ANO2: variants seen among roughly 807,000 people sequenced by gnomAD.
The protein encoded by ANO2 is anoctamin-2.
ANO2 carries 101 observed loss-of-function variants against 124.2 expected under a neutral mutation model. That is an observed-to-expected ratio of 0.81 (90% CI 0.69 to 0.96). ANO2 has a LOEUF of 0.96. Among genes scored for constraint, ANO2 ranks in the 40% least tolerant of loss-of-function variants. The pLI is 0.00. For missense variants in ANO2, 1,293 were observed against 1,274.5 expected (o/e 1.01, Z -0.22); for synonymous variants, 486 against 482.5 (o/e 1.01, Z -0.09).
chr12:5,834,688 A>G (rs1036613156), intron 4 of ANO2, among the ~76,000 whole-genome samples: 3 of 152,228 alleles, frequency 2.0e-5, no homozygotes, highest in Non-Finnish European at 4.4e-5. Context: ...TTTAATTTCA[A>G]TTACAAAATT....
At chr12:5,861,531 G>A (rs1955270067) in intron 3 of ANO2, among the ~76,000 whole-genome samples, 1 of 152,190 alleles carries the variant, frequency 6.6e-6, no homozygotes, top group Non-Finnish European at 1.5e-5. Context: ...GGCAGCCCCA[G>A]CCAAACACTG....
intron 10 of ANO2, among the ~76,000 whole-genome samples, chr12:5,792,075 T>C (rs1429823903): frequency 1.3e-5 from 2 of 152,218 alleles, no homozygotes; most frequent in African/African-American, 2.4e-5. Flanking sequence ...CTCCCAGTAA[T>C]ACTGTGGGCA....
chr12:5,907,671 A>G (rs115071331), intron 3 of ANO2, among the ~76,000 whole-genome samples: 136 of 152,348 alleles, frequency 8.9e-4, no homozygotes, highest in African/African-American at 3.2e-3. Flanking sequence ...AAAGGTAGAC[A>G]GGGTGGGAGA....
chr12:5,664,095 T>C (rs1947581140), intron 14 of ANO2, among the ~76,000 whole-genome samples: 1 of 152,240 alleles, frequency 6.6e-6, no homozygotes, highest in Non-Finnish European at 1.5e-5. Flanking sequence ...CATACATGAG[T>C]GCTTACATAT....
chr12:5,648,444 G>A (rs1397263698), intron 14 of ANO2, among the ~76,000 whole-genome samples: 3 of 152,172 alleles, frequency 2.0e-5, no homozygotes. Context: ...CAATCAACTT[G>A]GCTGAGAATC....
At chr12:5,907,035 C>G in intron 3 of ANO2, among the ~76,000 whole-genome samples, 1 of 152,078 alleles carries the variant, frequency 6.6e-6, no homozygotes, top group Non-Finnish European at 1.5e-5. Context: ...TTTCAATTAT[C>G]CTGCAAAAAT....
At chr12:5,648,215 A>G (rs1451034998) in intron 14 of ANO2, among the ~76,000 whole-genome samples, 2 of 152,194 alleles carry the variant, frequency 1.3e-5, no homozygotes, top group African/African-American at 2.4e-5. Flanking sequence ...CCATGTGAAT[A>G]TAGTAAAGCA....
intron 16 of ANO2, among the ~76,000 whole-genome samples, chr12:5,616,724 C>T (rs1249531466): frequency 6.6e-6 from 1 of 152,122 alleles, no homozygotes; most frequent in Non-Finnish European, 1.5e-5. Flanking sequence ...GAAATGGACA[C>T]AAAACTTTGT....
chr12:5,821,594 C>T (rs145568034), intron 7 of ANO2, among the ~76,000 whole-genome samples: 61 of 152,298 alleles, frequency 4.0e-4, no homozygotes, highest in African/African-American at 1.3e-3. Flanking sequence ...TGAATCACAG[C>T]GCAGGCCTCT....
chr12:5,807,194 T>C, intron 8 of ANO2, 119 bp downstream of exon 8: 2 of 813,408 alleles, frequency 2.5e-6, no homozygotes, highest in South Asian at 2.3e-5. Context: ...GGTATTTTAA[T>C]GTCATGATTC....
At chr12:5,591,674 C>T (rs555552563) in intron 20 of ANO2, among the ~76,000 whole-genome samples, 1 of 152,266 alleles carries the variant, frequency 6.6e-6, no homozygotes, top group East Asian at 1.9e-4. Context: ...TCTCCTTTAG[C>T]ACTGTTCATC....
At chr12:5,801,234 C>T (rs567394281) in intron 9 of ANO2, among the ~76,000 whole-genome samples, 13 of 152,306 alleles carry the variant, frequency 8.5e-5, no homozygotes, top group African/African-American at 2.2e-4. Flanking sequence ...ATTTCTGCAG[C>T]AACTTTAGCA....
At chr12:5,727,956 G>A (rs1164174329) in intron 14 of ANO2, among the ~76,000 whole-genome samples, 4 of 151,940 alleles carry the variant, frequency 2.6e-5, no homozygotes, top group East Asian at 1.9e-4. Context: ...ACAGGCGCCC[G>A]CCACCACGCC....
At chr12:5,844,523 A>G (rs1954620039) in intron 4 of ANO2, among the ~76,000 whole-genome samples, 1 of 152,214 alleles carries the variant, frequency 6.6e-6, no homozygotes, top group Admixed American at 6.5e-5. Flanking sequence ...AGAGGAAAAA[A>G]TACATTCACA....
chr12:5,853,987 A>G, intron 4 of ANO2, 56 bp downstream of exon 4: 2 of 1,450,908 alleles, frequency 1.4e-6, no homozygotes, highest in South Asian at 2.3e-5. Context: ...TTCCCAAATT[A>G]TTTGCATCCA....
At chr12:5,712,853 GAGC>G in intron 14 of ANO2, among the ~76,000 whole-genome samples, 1 of 152,232 alleles carries the variant, frequency 6.6e-6, no homozygotes, top group South Asian at 2.1e-4. Flanking sequence ...GACGCTCAGA[GAGC>G]TGCCAGGAGC....
chr12:5,851,938 G>C, intron 4 of ANO2: 1 of 741,730 alleles, frequency 1.3e-6, no homozygotes, highest in South Asian at 1.4e-5. Flanking sequence ...CATAACATGG[G>C]CATTAGAGTT....
At chr12:5,578,033 G>C in intron 21 of ANO2, 26 bp from the exon 22 acceptor site, 1 of 1,611,588 alleles carries the variant, frequency 6.2e-7, no homozygotes, top group Non-Finnish European at 8.5e-7. Context: ...GACAGCGTCT[G>C]GCTCACTCCC....
intron 16 of ANO2, among the ~76,000 whole-genome samples, chr12:5,630,810 G>C (rs761239035): frequency 6.6e-6 from 1 of 152,224 alleles, no homozygotes; most frequent in Non-Finnish European, 1.5e-5. Context: ...GGGAGCAAGT[G>C]ACAGAGACTT....
Sources: allele counts gnomAD v4.1 joint callset (sites outside exome capture counted in the v4.1 genomes callset), GRCh38; gene constraint gnomAD v4.1.1; transcripts MANE v1.5; gene names NCBI Gene and HGNC (gene_info 2026-07-23, HGNC 2026-07-21).